Variants in TMIGD2 observed in about 807,000 individuals in gnomAD.
The protein encoded by TMIGD2 is transmembrane and immunoglobulin domain-containing protein 2.
TMIGD2 carries 18 observed loss-of-function variants against 22.6 expected under a neutral mutation model. The observed-to-expected ratio is 0.80, with a 90% CI of 0.55 to 1.18. TMIGD2 has a LOEUF of 1.18. Among genes scored for constraint, TMIGD2 ranks in the 50% most tolerant of loss-of-function variants. TMIGD2 has a pLI of 0.00. For missense variants in TMIGD2, 361 were observed against 378.2 expected (o/e 0.95, Z 0.38); for synonymous variants, 184 against 154.1 (o/e 1.19, Z -1.44).
intron 1 of TMIGD2, among the ~76,000 whole-genome samples, chr19:4,300,481 C>T (rs1410779288): frequency 2.6e-5 from 4 of 152,046 alleles, no homozygotes; most frequent in African/African-American, 7.2e-5. Context: ...CACTTGAACC[C>T]GGGAGGCGGA....
chr19:4,293,534 A>C (rs1971415366), intron 4 of TMIGD2, among the ~76,000 whole-genome samples: 1 of 150,440 alleles, frequency 6.6e-6, no homozygotes, highest in Admixed American at 6.6e-5. Flanking sequence ...TGCTGGGATT[A>C]CATGCATGAG....
exon 2 of TMIGD2, chr19:4,298,169 T>C: frequency 1.2e-6 from 2 of 1,613,434 alleles, no homozygotes; most frequent in Non-Finnish European, 1.7e-6. Context: ...AGGCTGAGGC[T>C]GCCGTTGGTG....
exon 5 of TMIGD2, chr19:4,292,589 C>T: frequency 1.9e-6 from 3 of 1,612,624 alleles, no homozygotes; most frequent in Non-Finnish European, 2.5e-6. Flanking sequence ...TTGAGGTCTC[C>T]TGGGATCTCT....
intron 2 of TMIGD2, among the ~76,000 whole-genome samples, chr19:4,295,491 C>T (rs1008633116): frequency 3.4e-5 from 5 of 146,420 alleles, no homozygotes; most frequent in African/African-American, 7.6e-5. Flanking sequence ...ACCCGGGAGG[C>T]GGAGCTTGCA....
At chr19:4,298,566 T>C (rs1336831348) in intron 1 of TMIGD2, among the ~76,000 whole-genome samples, 1 of 152,024 alleles carries the variant, frequency 6.6e-6, no homozygotes, top group East Asian at 1.9e-4. Context: ...CAAGACCTCA[T>C]CTCTACAATA....
intron 4 of TMIGD2, among the ~76,000 whole-genome samples, chr19:4,293,477 G>C (rs998167144): frequency 6.6e-6 from 1 of 150,440 alleles, no homozygotes; most frequent in East Asian, 2.0e-4. Flanking sequence ...GGCCAGGCTG[G>C]TCTCGAACTC....
chr19:4,293,737 C>T (rs150239416), intron 4 of TMIGD2, among the ~76,000 whole-genome samples: 35 of 152,040 alleles, frequency 2.3e-4, no homozygotes, highest in African/African-American at 8.4e-4. Context: ...GCTGGGACCA[C>T]AGGCGTGTGC....
exon 5 of TMIGD2, chr19:4,292,812 C>G: frequency 6.2e-7 from 1 of 1,613,508 alleles, no homozygotes; most frequent in Non-Finnish European, 8.5e-7. Context: ...GGTCCTTCCC[C>G]TCTCCAGAGC....
chr19:4,302,264 C>A, intron 1 of TMIGD2, 76 bp downstream of exon 1: 5 of 1,467,368 alleles, frequency 3.4e-6, no homozygotes, highest in Non-Finnish European at 4.6e-6. Context: ...TTTAGAGGGG[C>A]CCTGAGCTGG....
intron 1 of TMIGD2, 94 bp from the exon 2 acceptor site, chr19:4,298,439 A>C: frequency 6.9e-7 from 1 of 1,455,838 alleles, no homozygotes; most frequent in Non-Finnish European, 9.0e-7. Context: ...TCTGGGTTTG[A>C]AACCTCACTT....
chr19:4,295,503 T>G (rs983071262), intron 2 of TMIGD2, among the ~76,000 whole-genome samples: 1 of 150,634 alleles, frequency 6.6e-6, no homozygotes, highest in Non-Finnish European at 1.5e-5. Context: ...GAGCTTGCAG[T>G]GAGCCAAGAT....
At chr19:4,294,555 A>G (rs1568372541) in intron 4 of TMIGD2, 24 bp downstream of exon 4, 5 of 1,609,240 alleles carry the variant, frequency 3.1e-6, no homozygotes, top group Non-Finnish European at 4.2e-6. Context: ...CCTCCGCCCT[A>G]CCCTCCCTTA....
chr19:4,295,620 G>A (rs1322522015), intron 2 of TMIGD2, among the ~76,000 whole-genome samples: 1 of 151,856 alleles, frequency 6.6e-6, no homozygotes, highest in East Asian at 1.9e-4. Context: ...TGGAAAAACT[G>A]CCAACTGGGA....
intron 1 of TMIGD2, among the ~76,000 whole-genome samples, chr19:4,301,456 C>T (rs12610943): frequency 0.17 from 25,449 of 152,142 alleles, 2,417 homozygotes; most frequent in East Asian, 0.28. Flanking sequence ...ATCATGAGGT[C>T]AGGAGTTCGA....
intron 1 of TMIGD2, among the ~76,000 whole-genome samples, chr19:4,299,288 G>T (rs1018327641): frequency 2.0e-5 from 3 of 151,862 alleles, no homozygotes; most frequent in African/African-American, 7.3e-5. Context: ...GGGACTACAG[G>T]CATGTAACCA....
intron 2 of TMIGD2, 23 bp downstream of exon 2, chr19:4,297,963 C>T: frequency 1.9e-6 from 3 of 1,538,622 alleles, no homozygotes; most frequent in Non-Finnish European, 2.6e-6. Flanking sequence ...ACTGCCCCTC[C>T]CTCTCCCCGC....
exon 5 of TMIGD2, chr19:4,292,538 C>A: frequency 6.5e-7 from 1 of 1,527,074 alleles, no homozygotes; most frequent in Non-Finnish European, 9.1e-7. Flanking sequence ...TGTCTGGCCT[C>A]GATCCCCCCT....
intron 2 of TMIGD2, among the ~76,000 whole-genome samples, chr19:4,297,578 CG>C (rs1568373844): frequency 6.6e-6 from 1 of 152,094 alleles, no homozygotes; most frequent in African/African-American, 2.4e-5. Context: ...GATTATGGGC[CG>C]GGCATGGTGG....
intron 2 of TMIGD2, among the ~76,000 whole-genome samples, chr19:4,297,423 G>A (rs909827270): frequency 1.3e-5 from 2 of 152,180 alleles, no homozygotes; most frequent in African/African-American, 4.8e-5. Context: ...AGGCTGGAGT[G>A]CAGTGGTGCA....
Sources: gnomAD v4.1 joint callset for allele counts (sites outside exome capture counted in the v4.1 genomes callset) on GRCh38, gnomAD v4.1.1 for gene constraint, MANE v1.5 for transcripts, NCBI Gene and HGNC (gene_info 2026-07-23, HGNC 2026-07-21) for gene names.